Variants in EPHA4 observed in about 807,000 individuals in gnomAD.
The protein encoded by EPHA4 is ephrin type-A receptor 4.
A neutral mutation model predicts 108.3 loss-of-function variants in EPHA4; 19 were observed. The ratio of observed to expected loss-of-function variants is 0.18; its 90% CI spans 0.12 to 0.26. EPHA4 has a LOEUF of 0.26. Among genes scored for constraint, EPHA4 ranks in the 10% least tolerant of loss-of-function variants. EPHA4 has a pLI of 1.00. For synonymous variants in EPHA4, 449 were observed against 455.5 expected, an observed-to-expected ratio of 0.99 and a Z score of 0.18; for missense variants, 917 against 1,254.0, an observed-to-expected ratio of 0.73 and a Z score of 4.06.
At chr2:221,556,716 G>T (rs894283597) in intron 3 of EPHA4, among the ~76,000 whole-genome samples, 3 of 151,972 alleles carry the variant, frequency 2.0e-5, no homozygotes, top group African/African-American at 7.3e-5. Flanking sequence ...CCTACCGAAG[G>T]TACAGTACAG....
At chr2:221,506,484 AG>A (rs1464169826) in intron 3 of EPHA4, among the ~76,000 whole-genome samples, 3 of 152,206 alleles carry the variant, frequency 2.0e-5, no homozygotes, top group Non-Finnish European at 4.4e-5. Flanking sequence ...GGTTTGCCCA[AG>A]GCAGGGTGGA....
At chr2:221,462,550 T>G (rs905660248) in intron 5 of EPHA4, among the ~76,000 whole-genome samples, 2 of 152,118 alleles carry the variant, frequency 1.3e-5, no homozygotes, top group South Asian at 2.1e-4. Flanking sequence ...AAATCTTTAC[T>G]GTAGATATCA....
intron 3 of EPHA4, among the ~76,000 whole-genome samples, chr2:221,525,486 G>T (rs542006945): frequency 6.6e-6 from 1 of 152,238 alleles, no homozygotes; most frequent in South Asian, 2.1e-4. Context: ...TCACTGTCAC[G>T]CCTTTCCCAG....
At position 221,572,222 on chromosome 2, in the gene EPHA4, T is replaced by C. The variant is rs778020121; in HGVS notation, c.27A>G (p.Leu9=). Residue 9 remains leucine (L), a synonymous_variant, in exon 1 of 18, where the codon CTA becomes CTG. Coordinates refer to ENST00000281821, the MANE Select transcript of EPHA4 (RefSeq NM_004438.5). ...CGCAAATCCCGAAGAGACACGAAAA[T>C]AGGGCGAAATAGAAAATCCCAGCCA... The part of the protein sequence containing the change: MAGIFYFA[L]FSCLFGICDA... The C allele has an allele frequency of 1.9e-6, 3 of 1,614,058 alleles. No individual in the cohort carries two copies. The Admixed American group carries it at 5.0e-5, about 27-fold the overall frequency.
intron 7 of EPHA4, among the ~76,000 whole-genome samples, 156 bp from the exon 8 acceptor site, chr2:221,455,814 C>T (rs779322096): frequency 3.3e-5 from 5 of 152,120 alleles, no homozygotes; most frequent in African/African-American, 4.8e-5. Context: ...TACCTCCTTC[C>T]CCGAGAGCTA....
intron 3 of EPHA4, among the ~76,000 whole-genome samples, chr2:221,546,004 C>T (rs865865298): frequency 2.6e-5 from 4 of 152,218 alleles, no homozygotes; most frequent in Non-Finnish European, 5.9e-5. Flanking sequence ...CTCAGCATCT[C>T]CCTCCCCCAG....
In EPHA4 at chr2:221,443,342, T is replaced by G. The variant is rs1690488507; in HGVS notation, c.1888+151A>C. ...AATCAAAATTTGTACTAGAGTTCTTTATAACACATGATATTTTATACTCAA... is the reference window on the plus strand; with the variant it reads ...AATCAAAATTTGTACTAGAGTTCTTGATAACACATGATATTTTATACTCAA... On this transcript the variant is annotated intron_variant, in intron 10 of 17. Coordinates refer to ENST00000281821, the MANE Select transcript of EPHA4 (RefSeq NM_004438.5). The G allele has an allele frequency of 6.7e-6, 4 of 601,444 alleles. No homozygotes were observed. The South Asian group carries it at 1.0e-4, about 16-fold the overall frequency. 37.3% of individuals were successfully genotyped at this position (601,444 alleles called of 1,614,324 possible). A position where few individuals can be genotyped will look rare whatever the true frequency, so the allele number is the denominator to read the frequency against.
chr2:221,541,204 C>A (rs1266630290), intron 3 of EPHA4, among the ~76,000 whole-genome samples: 1 of 152,050 alleles, frequency 6.6e-6, no homozygotes, highest in African/African-American at 2.4e-5. Context: ...CACATCTCAG[C>A]CTCTCAAAGT....
intron 3 of EPHA4, among the ~76,000 whole-genome samples, chr2:221,510,435 T>A (rs1692792395): frequency 6.6e-6 from 1 of 152,228 alleles, no homozygotes. Context: ...CAAGACACAG[T>A]TCTATCCTAT....
At chr2:221,536,494 C>T (rs906943195) in intron 3 of EPHA4, among the ~76,000 whole-genome samples, 1 of 152,136 alleles carries the variant, frequency 6.6e-6, no homozygotes, top group South Asian at 2.1e-4. Flanking sequence ...CTCATTAATT[C>T]CCAATAATTA....
intron 3 of EPHA4, among the ~76,000 whole-genome samples, chr2:221,511,515 G>T (rs566871268): frequency 6.6e-6 from 1 of 151,568 alleles, no homozygotes; most frequent in East Asian, 1.9e-4. Context: ...CCTCACTTCC[G>T]ATTTCTGTAT....
intron 14 of EPHA4, among the ~76,000 whole-genome samples, chr2:221,432,654 T>TC (rs1386380423): frequency 6.6e-6 from 1 of 151,536 alleles, no homozygotes; most frequent in Non-Finnish European, 1.5e-5. Context: ...ACATTTTTTT[T>TC]TTTTTTTGAG....
intron 4 of EPHA4, among the ~76,000 whole-genome samples, chr2:221,494,563 C>T (rs752684606): frequency 5.3e-5 from 8 of 152,180 alleles, no homozygotes; most frequent in Non-Finnish European, 8.8e-5. Context: ...GCTGAGATAG[C>T]GCCACTGTAC....
chr2:221,557,157 C>A (rs889845231), intron 3 of EPHA4, among the ~76,000 whole-genome samples: 2 of 152,158 alleles, frequency 1.3e-5, no homozygotes, highest in African/African-American at 4.8e-5. Context: ...GGGAACATAG[C>A]TGGACCACAT....
chr2:221,536,403 C>T (rs1358781755), intron 3 of EPHA4, among the ~76,000 whole-genome samples: 1 of 152,186 alleles, frequency 6.6e-6, no homozygotes, highest in Non-Finnish European at 1.5e-5. Flanking sequence ...AACCTGCTCA[C>T]TGAAGGCTGC....
chr2:221,451,638 A>C (rs1690788370), intron 8 of EPHA4, among the ~76,000 whole-genome samples: 1 of 152,200 alleles, frequency 6.6e-6, no homozygotes, highest in Non-Finnish European at 1.5e-5. Flanking sequence ...AACAAGTACA[A>C]TTATGTGCTC....
chr2:221,449,762 A>G (rs3770178), intron 8 of EPHA4, among the ~76,000 whole-genome samples: 113,901 of 152,168 alleles, frequency 0.75, 43,347 homozygotes, highest in East Asian at 0.89. Context: ...CTAAATTACT[A>G]ACTTTTCTGG....
intron 3 of EPHA4, among the ~76,000 whole-genome samples, chr2:221,501,967 C>T (rs1263078359): frequency 2.0e-5 from 3 of 152,014 alleles, no homozygotes; most frequent in Non-Finnish European, 4.4e-5. Flanking sequence ...TCCCTCTTTC[C>T]ATTTTTCCAG....
intron 3 of EPHA4, among the ~76,000 whole-genome samples, chr2:221,551,452 T>G (rs1367842042): frequency 6.6e-6 from 1 of 152,178 alleles, no homozygotes; most frequent in Non-Finnish European, 1.5e-5. Context: ...GTTATGATTT[T>G]CATACGGTAA....
Sources: gnomAD v4.1 joint callset for allele counts (sites outside exome capture counted in the v4.1 genomes callset) on GRCh38, gnomAD v4.1.1 for gene constraint, MANE v1.5 for transcripts, NCBI Gene and HGNC (gene_info 2026-07-23, HGNC 2026-07-21) for gene names.